Variants in PLEKHG3 observed in about 807,000 individuals in gnomAD.
The protein encoded by PLEKHG3 is pleckstrin homology and RhoGEF domain containing G3, also known as pleckstrin homology domain-containing family G member 3.
A neutral mutation model predicts 94.9 loss-of-function variants in PLEKHG3; 62 were observed. The observed-to-expected ratio is 0.65, with a 90% CI of 0.53 to 0.81. The LOEUF (loss-of-function observed/expected upper bound fraction) is 0.81, where lower values mean the gene tolerates loss of function less well. PLEKHG3 is among the 30% of genes least tolerant of loss of function. The pLI, the probability that PLEKHG3 is intolerant of heterozygous loss-of-function variation, is 0.00. For missense variants in PLEKHG3, 1,461 were observed against 1,619.3 expected, an observed-to-expected ratio of 0.90 and a Z score of 1.68; for synonymous variants, 614 against 654.0, an observed-to-expected ratio of 0.94 and a Z score of 0.93.
chr14:64,742,869 A>C (rs532539543), intron 16 of PLEKHG3, 113 bp from the exon 17 acceptor site: 20 of 1,013,566 alleles, frequency 2.0e-5, no homozygotes, highest in African/African-American at 1.8e-4. Flanking sequence ...CATCACACCC[A>C]AAACCCCAAC....
chr14:64,743,741 T>C lies in PLEKHG3; in HGVS notation c.*38T>C, dbSNP rs1386298968. 2 of 1,506,870 alleles carry C rather than the reference T, an allele frequency of 1.3e-6. No individual in the cohort carries two copies. Among genetic ancestry groups the C allele is most frequent in the African/African-American group, 1.4e-5 (1 of 71,980 alleles). The allele number at this position is 1,506,870 out of a possible 1,614,324, so 93.3% of individuals were successfully genotyped here. ...GGGGAGGGAGGAGTCATGTTGGAGG[T>C]TGGGGAAGAACCTGGGCATCCTTCC... On this transcript the variant is annotated 3_prime_UTR_variant, in exon 17 of 17. Transcript: ENST00000247226. This position sits in a 1 kb window ranked among gnomAD's most constrained non-coding sequence, Gnocchi z 7.2.
At chr14:64,708,896 T>G (rs1168783053) in intron 1 of PLEKHG3, among the ~76,000 whole-genome samples, 1 of 145,710 alleles carries the variant, frequency 6.9e-6, no homozygotes, top group Non-Finnish European at 1.5e-5. Flanking sequence ...GGACTGCCAG[T>G]TGGTGCCTGG....
Position 64,730,538 on chromosome 14 carries a change from C to A in PLEKHG3, c.520-104C>A. 1.1e-6 allele frequency: 1 copy of A among 945,068 alleles called. No individual in the cohort carries two copies. Among genetic ancestry groups the A allele is most frequent in the Non-Finnish European group, 1.7e-6 (1 of 592,334 alleles). 58.5% of individuals were successfully genotyped at this position (945,068 alleles called of 1,614,324 possible). A position where few individuals can be genotyped will look rare whatever the true frequency, so the allele number is the denominator to read the frequency against. On this transcript the variant is annotated intron_variant, in intron 4 of 16. Coordinates refer to ENST00000247226, the MANE Select transcript of PLEKHG3 (RefSeq NM_001308147.2). The surrounding 1 kb of genome is among the most constrained non-coding windows in gnomAD (Gnocchi z 5.4). ...AGATGGCTCTGTAGGCATTTGGGAA[C>A]AGGGGACAGAGGGTGCTCTGGGGGC...
intron 1 of PLEKHG3, among the ~76,000 whole-genome samples, chr14:64,711,356 A>G (rs2139360147): frequency 6.6e-6 from 1 of 152,318 alleles, no homozygotes; most frequent in Middle Eastern, 3.4e-3. Context: ...GCTCCACCCA[A>G]GCAGATTGCC....
Position 64,738,842 on chromosome 14 carries a change from C to T in PLEKHG3, c.1505C>T (p.Ser502Phe). Reference protein sequence around the residue: ...TEKRMSFESISSLPEVEPDPE... With the variant: ...TEKRMSFESIFSLPEVEPDPE... ...AAGCGCATGAGCTTCGAGTCCATTT[C>T]TTCCCTGCCAGAGGTGAGCGACCAG... Residue 502 changes from serine (S) to phenylalanine (F), a missense_variant, in exon 15 of 17, where the codon TCT becomes TTT. Transcript: ENST00000247226. This position sits in a 1 kb window ranked among gnomAD's most constrained non-coding sequence, Gnocchi z 4.8. The T allele has an allele frequency of 6.3e-7, 1 of 1,582,144 alleles. No homozygotes were observed. Among genetic ancestry groups the T allele is most frequent in the Non-Finnish European group, 8.6e-7 (1 of 1,162,430 alleles).
Position 64,731,709 on chromosome 14 carries a change from C to T in PLEKHG3, c.1033-5C>T, listed in dbSNP as rs2081469753. 1 of 1,609,216 alleles carries T rather than the reference C, an allele frequency of 6.2e-7. No homozygotes were observed. Among genetic ancestry groups the T allele is most frequent in the Non-Finnish European group, 8.5e-7 (1 of 1,175,534 alleles). ...TGCTTGACTGTCCTTTCCCTCTGCC[C>T]CTAGTGCTCCTCCCTGATGCTGATC... On this transcript the variant is annotated splice_polypyrimidine_tract_variant and splice_region_variant and intron_variant, in intron 8 of 16. Transcript: ENST00000247226. This position sits in a 1 kb window ranked among gnomAD's most constrained non-coding sequence, Gnocchi z 6.1.
At chr14:64,736,787 T>C (rs1594703457) in intron 12 of PLEKHG3, 66 bp from the exon 13 acceptor site, 1 of 1,213,574 alleles carries the variant, frequency 8.2e-7, no homozygotes, top group East Asian at 2.3e-5. Flanking sequence ...CGCTGTGAGC[T>C]TGGGACCCAG....
chr14:64,744,041 C>G lies in PLEKHG3; in HGVS notation c.*338C>G, dbSNP rs1483943590. The G allele has an allele frequency of 5.0e-6, 1 of 199,198 alleles. No homozygotes were observed. Among genetic ancestry groups the G allele is most frequent in the Non-Finnish European group, 1.0e-5 (1 of 99,090 alleles). The allele number at this position is 199,198 out of a possible 1,614,324, so 12.3% of individuals were successfully genotyped here. A position where few individuals can be genotyped will look rare whatever the true frequency, so the allele number is the denominator to read the frequency against. On this transcript the variant is annotated 3_prime_UTR_variant, in exon 17 of 17. Transcript: ENST00000247226. ...GCCTCCAGCGTTGGCTGGCCATGGC[C>G]ACAGCCAGATGGAGGAGCCCATCCC... is the stretch of plus-strand genomic sequence containing the variant.
chr14:64,711,912 C>A (rs1287971553), intron 1 of PLEKHG3, among the ~76,000 whole-genome samples: 2 of 152,160 alleles, frequency 1.3e-5, no homozygotes, highest in Non-Finnish European at 2.9e-5. Context: ...GAAACCATTG[C>A]TCACTCAGGT....
Position 64,738,001 on chromosome 14 carries a change from AG to A in PLEKHG3, c.1404+628del. On this transcript the variant is annotated intron_variant, in intron 14 of 16. Coordinates refer to ENST00000247226, the MANE Select transcript of PLEKHG3 (RefSeq NM_001308147.2). This position sits in a 1 kb window ranked among gnomAD's most constrained non-coding sequence, Gnocchi z 4.8. The stretch of plus-strand genomic sequence containing the variant: ...GTGGAGGAGGAGGAGGAGGAGGAGG[AG>A]GAAGAGCAGGCCTTTCAGGTCTCTC... 1.6e-6 allele frequency: 2 copies of A among 1,268,530 alleles called. No homozygotes were observed. The highest frequency in any genetic ancestry group is 2.4e-5 in the Admixed American group (1 of 40,972). 78.6% of individuals were successfully genotyped at this position (1,268,530 alleles called of 1,614,324 possible).
At position 64,717,112 on chromosome 14, in the gene PLEKHG3, CGTGTGTGTGTGT is replaced by C. The variant is rs3063751; in HGVS notation, c.-39-10455_-39-10444del. On this transcript the variant is annotated intron_variant, in intron 1 of 16. Transcript: ENST00000247226. The surrounding 1 kb of genome is among the most constrained non-coding windows in gnomAD (Gnocchi z 4.7). ...GGCTGGCCGCCTTTGGGAATTTACACGTGTGTGTGTGTGTGTGTGTGTGTGTGTGTGTGTGTG... is the reference window on the plus strand; with the variant it reads ...GGCTGGCCGCCTTTGGGAATTTACACGTGTGTGTGTGTGTGTGTGTGTGTG... Among the ~76,000 whole-genome samples, 22 of 144,370 alleles carry C rather than the reference CGTGTGTGTGTGT, an allele frequency of 1.5e-4. No homozygotes were observed. The highest frequency in any genetic ancestry group is 3.9e-4 in the African/African-American group (15 of 38,728). The allele number at this position is 144,370 out of a possible 152,430, so 94.7% of individuals were successfully genotyped here.
At chr14:64,742,487 C>G in intron 16 of PLEKHG3, 32 bp downstream of exon 16, 7 of 1,501,462 alleles carry the variant, frequency 4.7e-6, no homozygotes, top group Non-Finnish European at 6.3e-6. Context: ...GGCCCTTCCC[C>G]AAGTCTAGGG....
intron 12 of PLEKHG3, among the ~76,000 whole-genome samples, chr14:64,733,826 G>A (rs890711092): frequency 2.0e-5 from 3 of 152,236 alleles, no homozygotes; most frequent in Non-Finnish European, 4.4e-5. Flanking sequence ...TCTAAACTCC[G>A]TGGTGATGGG....
chr14:64,708,868 T>A (rs2081019139), intron 1 of PLEKHG3, among the ~76,000 whole-genome samples: 1 of 138,408 alleles, frequency 7.2e-6, no homozygotes, highest in Non-Finnish European at 1.5e-5. Context: ...GCAGGCCCTG[T>A]GATGAAGGAA....
In PLEKHG3 at chr14:64,716,226, A is replaced by G. The variant is rs1401844384; in HGVS notation, c.-39-11367A>G. On this transcript the variant is annotated intron_variant, in intron 1 of 16. Transcript: ENST00000247226. This position sits in a 1 kb window ranked among gnomAD's most constrained non-coding sequence, Gnocchi z 5.0. ...AATCACAGGCTTTAGGGTAAAAGGCAGGTTTTTCCCTTGTGGGTTAGACAC... is the reference window on the plus strand; with the variant it reads ...AATCACAGGCTTTAGGGTAAAAGGCGGGTTTTTCCCTTGTGGGTTAGACAC... 1 of 358,314 alleles carries G rather than the reference A, an allele frequency of 2.8e-6. No homozygotes were observed. The highest frequency in any genetic ancestry group is 2.2e-5 in the African/African-American group (1 of 46,456). The allele number at this position is 358,314 out of a possible 1,614,324, so 22.2% of individuals were successfully genotyped here.
chr14:64,743,827 C>A lies in PLEKHG3; in HGVS notation c.*124C>A. On this transcript the variant is annotated 3_prime_UTR_variant, in exon 17 of 17. Coordinates refer to ENST00000247226, the MANE Select transcript of PLEKHG3 (RefSeq NM_001308147.2). This position sits in a 1 kb window ranked among gnomAD's most constrained non-coding sequence, Gnocchi z 7.2. ...CCCTCAGGTGGGCGGAAAGTCCATC[C>A]CCTCCGCCCTTCAGGAAGGATGCTC... The A allele has an allele frequency of 9.5e-7, 1 of 1,048,664 alleles. No homozygotes were observed. The highest frequency in any genetic ancestry group is 1.3e-6 in the Non-Finnish European group (1 of 749,652). 65.0% of individuals were successfully genotyped at this position (1,048,664 alleles called of 1,614,324 possible).
In PLEKHG3 at chr14:64,731,079, G is replaced by A. The variant is rs781615626; in HGVS notation, c.759G>A (p.Glu253=). 6.8e-6 allele frequency: 11 copies of A among 1,613,920 alleles called. No individual in the cohort carries two copies. The highest frequency in any genetic ancestry group is 1.7e-4 in the Middle Eastern group (1 of 6,060). The change falls in exon 7 of 17, where the codon GAG becomes GAA. Residue 253 remains glutamate (E), a synonymous_variant. Coordinates refer to ENST00000247226, the MANE Select transcript of PLEKHG3 (RefSeq NM_001308147.2). The surrounding 1 kb of genome is among the most constrained non-coding windows in gnomAD (Gnocchi z 6.1). ...KHFDEEEDGF[E]VVEDAIDTMT... is the part of the protein sequence containing the mutation. ...TTGATGAAGAAGAGGATGGCTTTGA[G>A]GTGGTGGAGGATGCCATTGACACCA...
chr14:64,736,141 G>A (rs955994501), intron 12 of PLEKHG3, among the ~76,000 whole-genome samples: 1 of 152,232 alleles, frequency 6.6e-6, no homozygotes, highest in African/African-American at 2.4e-5. Flanking sequence ...ATGGATAGGC[G>A]AAGGCCGAGG....
At chr14:64,713,009 T>C (rs2081085378) in intron 1 of PLEKHG3, among the ~76,000 whole-genome samples, 1 of 152,234 alleles carries the variant, frequency 6.6e-6, no homozygotes, top group Non-Finnish European at 1.5e-5. Flanking sequence ...GTTTTTATCA[T>C]AGAAGAGTGT....
Sources: allele counts gnomAD v4.1 joint callset (sites outside exome capture counted in the v4.1 genomes callset), GRCh38; gene constraint gnomAD v4.1.1; non-coding constraint Gnocchi (gnomAD v3.1); transcripts MANE v1.5; gene names NCBI Gene and HGNC (gene_info 2026-07-23, HGNC 2026-07-21).